UBTD1: variants seen among roughly 807,000 people sequenced by gnomAD.
UBTD1 encodes ubiquitin domain containing 1, also known as ubiquitin domain-containing protein 1.
A neutral mutation model predicts 21.7 loss-of-function variants in UBTD1; 19 were observed. The observed-to-expected ratio is 0.87, with a 90% CI of 0.61 to 1.28. UBTD1 has a LOEUF of 1.28. UBTD1 is among the 50% of genes most tolerant of loss of function. UBTD1 has a pLI of 0.00. For synonymous variants in UBTD1, 116 were observed against 135.1 expected (o/e 0.86, Z 0.98); for missense variants, 282 against 315.1 (o/e 0.89, Z 0.80).
At chr10:97,507,502 C>G (rs775316622) in intron 1 of UBTD1, among the ~76,000 whole-genome samples, 1 of 151,270 alleles carries the variant, frequency 6.6e-6, no homozygotes, top group Admixed American at 6.6e-5. Flanking sequence ...GGCCTGGGCA[C>G]GGTGGCTCAT....
chr10:97,500,456 A>G (rs948493031), intron 1 of UBTD1, among the ~76,000 whole-genome samples: 1 of 152,224 alleles, frequency 6.6e-6, no homozygotes, highest in African/African-American at 2.4e-5. Context: ...GATGCAGTAA[A>G]ACTTATTGAA....
Position 97,570,509 on chromosome 10 carries a change from C to G in UBTD1, c.670C>G (p.Pro224Ala). Residue 224 changes from proline (P) to alanine (A), a missense_variant, in exon 3 of 3, where the codon CCA (proline) becomes GCA (alanine). Coordinates refer to ENST00000370664, the MANE Select transcript of UBTD1 (RefSeq NM_024954.5). The surrounding 1 kb of genome is among the most constrained non-coding windows in gnomAD (Gnocchi z 6.6). ...CCAGGTCATCATCAACCAGCCCCCACCACCCCAGGACTGATGGGCCCACGG... is the reference window on the plus strand; with the variant it reads ...CCAGGTCATCATCAACCAGCCCCCAGCACCCCAGGACTGATGGGCCCACGG... ...VIQVIINQPP[P>A]PQD is the part of the protein sequence containing the mutation. The G allele has an allele frequency of 6.2e-7, 1 of 1,607,474 alleles. No individual in the cohort carries two copies. The highest frequency in any genetic ancestry group is 2.2e-5 in the East Asian group (1 of 44,738).
At chr10:97,534,577 G>GCACACACACACACA (rs1325135188) in intron 1 of UBTD1, among the ~76,000 whole-genome samples, 16 of 88,526 alleles carry the variant, frequency 1.8e-4, no homozygotes, top group Admixed American at 5.2e-4. Flanking sequence ...ACACGCGCGC[G>GCACACACACACACA]CGCACACACA....
At chr10:97,534,579 G>GCACACACACA (rs58308271) in intron 1 of UBTD1, among the ~76,000 whole-genome samples, 71 of 145,360 alleles carry the variant, frequency 4.9e-4, no homozygotes, top group East Asian at 3.3e-3. Flanking sequence ...ACGCGCGCGC[G>GCACACACACA]CACACACACA....
At chr10:97,521,554 G>A (rs1038599348) in intron 1 of UBTD1, among the ~76,000 whole-genome samples, 23 of 152,236 alleles carry the variant, frequency 1.5e-4, no homozygotes, top group African/African-American at 5.3e-4. Context: ...ATCTGGCTCT[G>A]CAAAAGTTAA....
intron 1 of UBTD1, among the ~76,000 whole-genome samples, chr10:97,537,889 G>A (rs1406812285): frequency 7.2e-6 from 1 of 138,140 alleles, no homozygotes; most frequent in Non-Finnish European, 1.5e-5. Context: ...GAAGTGGTAT[G>A]ATCTCACCCC....
At chr10:97,548,586 A>G (rs959673514) in intron 1 of UBTD1, among the ~76,000 whole-genome samples, 12 of 152,204 alleles carry the variant, frequency 7.9e-5, no homozygotes, top group African/African-American at 2.7e-4. Context: ...ACTTGAGGCC[A>G]GGAGTTCAAG....
At chr10:97,548,375 A>G (rs1420289869) in intron 1 of UBTD1, among the ~76,000 whole-genome samples, 1 of 152,238 alleles carries the variant, frequency 6.6e-6, no homozygotes, top group African/African-American at 2.4e-5. Flanking sequence ...TGACTGCAGG[A>G]AAGGGACATA....
At chr10:97,554,077 G>A (rs574573419) in intron 1 of UBTD1, among the ~76,000 whole-genome samples, 128 of 152,236 alleles carry the variant, frequency 8.4e-4, no homozygotes, top group African/African-American at 3.0e-3. Flanking sequence ...TTTGAAAGGG[G>A]CCACCATGGA....
intron 1 of UBTD1, 38 bp downstream of exon 1, chr10:97,499,311 G>T (rs1283862706): frequency 3.9e-6 from 6 of 1,539,442 alleles, no homozygotes; most frequent in Non-Finnish European, 4.4e-6. Flanking sequence ...CGGGCATCCC[G>T]CCAGTTGTCC....
chr10:97,533,320 A>T (rs1291870083), intron 1 of UBTD1, among the ~76,000 whole-genome samples: 1 of 152,174 alleles, frequency 6.6e-6, no homozygotes, highest in African/African-American at 2.4e-5. Context: ...TCTGGCATCT[A>T]TGAAGGGAGG....
chr10:97,567,841 G>A (rs539568929), intron 1 of UBTD1, 73 bp from the exon 2 acceptor site: 14 of 1,458,290 alleles, frequency 9.6e-6, no homozygotes, highest in Middle Eastern at 1.7e-4. Context: ...CTGGGGAGGG[G>A]AGGGGAGGGG....
intron 1 of UBTD1, among the ~76,000 whole-genome samples, chr10:97,504,228 T>G (rs573594613): frequency 1.3e-5 from 2 of 152,270 alleles, no homozygotes; most frequent in South Asian, 4.1e-4. Context: ...ACCTTCCTGC[T>G]TCCTCCCTTG....
At chr10:97,546,519 G>A (rs569399381) in intron 1 of UBTD1, among the ~76,000 whole-genome samples, 22 of 150,596 alleles carry the variant, frequency 1.5e-4, no homozygotes, top group Non-Finnish European at 2.7e-4. Context: ...GAGTCCAGGA[G>A]ATGGAGGCTG....
intron 1 of UBTD1, among the ~76,000 whole-genome samples, chr10:97,545,475 G>C (rs542288376): frequency 6.6e-6 from 1 of 151,622 alleles, no homozygotes; most frequent in Admixed American, 6.6e-5. Flanking sequence ...TGTGGGGCTT[G>C]GTGCTAGGAC....
intron 1 of UBTD1, among the ~76,000 whole-genome samples, chr10:97,519,026 A>G (rs1173242596): frequency 6.6e-6 from 1 of 152,244 alleles, no homozygotes; most frequent in African/African-American, 2.4e-5. Context: ...ACCAGACCAG[A>G]ACCTGTATCA....
At chr10:97,552,868 C>T (rs904476585) in intron 1 of UBTD1, among the ~76,000 whole-genome samples, 5 of 152,216 alleles carry the variant, frequency 3.3e-5, no homozygotes, top group African/African-American at 9.6e-5. Context: ...TGTAGCCTTT[C>T]TCCTGGCCAT....
chr10:97,543,026 G>A lies in UBTD1; in HGVS notation c.71-24888G>A, dbSNP rs143811326. ...AGAGCAAGTAAGTCAGAATCCCAGGGAGCAGGCTCCAGGAACCATGTTTTT... is the reference window on the plus strand; with the variant it reads ...AGAGCAAGTAAGTCAGAATCCCAGGAAGCAGGCTCCAGGAACCATGTTTTT... On this transcript the variant is annotated intron_variant, in intron 1 of 2. Coordinates refer to ENST00000370664, the MANE Select transcript of UBTD1 (RefSeq NM_024954.5). Among the ~76,000 whole-genome samples the A allele has an allele frequency of 1.1e-4, 16 of 152,358 alleles. No homozygotes were observed. The East Asian group carries it at 3.1e-3, about 29-fold the overall frequency.
chr10:97,555,060 G>C (rs562388983), intron 1 of UBTD1, among the ~76,000 whole-genome samples: 1 of 152,304 alleles, frequency 6.6e-6, no homozygotes, highest in South Asian at 2.1e-4. Flanking sequence ...AAAGAGGAAG[G>C]AGGCAGGGAA....
Sources: gnomAD v4.1 joint callset for allele counts (sites outside exome capture counted in the v4.1 genomes callset) on GRCh38, gnomAD v4.1.1 for gene constraint, Gnocchi (gnomAD v3.1) non-coding constraint, MANE v1.5 for transcripts, NCBI Gene and HGNC (gene_info 2026-07-23, HGNC 2026-07-21) for gene names.